Variants in FAM193A observed in about 807,000 individuals in gnomAD.
The protein encoded by FAM193A is family with sequence similarity 193 member A, also known as protein FAM193A.
Under a neutral mutation model 126.5 loss-of-function variants are expected in FAM193A, and 22 were observed. The ratio of observed to expected loss-of-function variants is 0.17; its 90% CI spans 0.12 to 0.25. The LOEUF (loss-of-function observed/expected upper bound fraction) is 0.25. FAM193A is among the 10% of genes least tolerant of loss of function. The pLI, the probability that FAM193A is intolerant of heterozygous loss-of-function variation, is 1.00. For missense variants in FAM193A, 1,675 were observed against 1,672.8 expected (o/e 1.00, Z -0.02); for synonymous variants, 761 against 646.8 (o/e 1.18, Z -2.68).
intron 1 of FAM193A, among the ~76,000 whole-genome samples, chr4:2,551,496 C>T (rs1042425384): frequency 2.6e-5 from 4 of 152,150 alleles, no homozygotes; most frequent in African/African-American, 9.7e-5. Context: ...TTATTTCTTT[C>T]TCTATGTTAG....
intron 2 of FAM193A, among the ~76,000 whole-genome samples, chr4:2,603,119 C>A (rs1189700850): frequency 6.7e-6 from 1 of 150,194 alleles, no homozygotes; most frequent in Non-Finnish European, 1.5e-5. Context: ...CAGGCGCCCA[C>A]CACCATGCCT....
chr4:2,669,401 G>A (rs1005119003), intron 12 of FAM193A, among the ~76,000 whole-genome samples: 1 of 152,030 alleles, frequency 6.6e-6, no homozygotes, highest in East Asian at 1.9e-4. Flanking sequence ...CTGAGGTCAG[G>A]AGTTCGAGAC....
At chr4:2,731,177 C>G (rs911090874) in intron 20 of FAM193A, among the ~76,000 whole-genome samples, 1 of 118,770 alleles carries the variant, frequency 8.4e-6, no homozygotes, top group African/African-American at 3.5e-5. Flanking sequence ...GCCTGGATGA[C>G]AAGAGCGAAA....
chr4:2,731,921 C>G lies in FAM193A; in HGVS notation c.*53C>G. On this transcript the variant is annotated 3_prime_UTR_variant, in exon 21 of 21. Coordinates refer to ENST00000637812, the MANE Select transcript of FAM193A (RefSeq NM_001366318.2). ...GAGAGGCAGGCCAGGCTGCACCACC[C>G]CAAGAGCCACGCCCCTCGCTGGCGC... 7.4e-7 allele frequency: 1 copy of G among 1,351,256 alleles called. No homozygotes were observed. Among genetic ancestry groups the G allele is most frequent in the Non-Finnish European group, 1.1e-6 (1 of 942,930 alleles). 83.7% of individuals were successfully genotyped at this position (1,351,256 alleles called of 1,614,324 possible).
chr4:2,694,260 G>GT (rs1410800576), intron 16 of FAM193A, among the ~76,000 whole-genome samples: 1 of 152,084 alleles, frequency 6.6e-6, no homozygotes, highest in East Asian at 1.9e-4. Flanking sequence ...CAACAGGTGT[G>GT]TTTTTTTGTT....
rs115084830 is a variant in FAM193A at position 2,643,161 on chromosome 4, C to T, written c.1163+3302C>T. Among the ~76,000 whole-genome samples, 528 of 152,226 alleles carry T rather than the reference C, an allele frequency of 3.5e-3. 2 individuals are homozygous for T. Among genetic ancestry groups the T allele is most frequent in the African/African-American group, 8.4e-3 (349 of 41,526 alleles). On this transcript the variant is annotated intron_variant, in intron 6 of 20. Coordinates refer to ENST00000637812, the MANE Select transcript of FAM193A (RefSeq NM_001366318.2). ...CAGCACGTTCCCTGAGCAGCACTGACGACGCCAGGACACGCCATGCCTTTG... is the reference window on the plus strand; with the variant it reads ...CAGCACGTTCCCTGAGCAGCACTGATGACGCCAGGACACGCCATGCCTTTG...
chr4:2,731,778 C>T lies in FAM193A; in HGVS notation c.4458C>T (p.Phe1486=). The T allele has an allele frequency of 6.2e-7, 1 of 1,613,586 alleles. No homozygotes were observed. The highest frequency in any genetic ancestry group is 8.5e-7 in the Non-Finnish European group (1 of 1,179,646). Residue 1486 remains phenylalanine, a synonymous_variant, in exon 21 of 21, where the codon TTC becomes TTT. Coordinates refer to ENST00000637812, the MANE Select transcript of FAM193A (RefSeq NM_001366318.2). ...TEREVEYFKR[F]CLDSARQTRQ... is the part of the protein sequence containing the mutation. ...GTTTGGCTTTTTGTCTTTGCAGGTTCTGCTTGGATTCTGCTAGACAGACCC... is the reference window on the plus strand; with the variant it reads ...GTTTGGCTTTTTGTCTTTGCAGGTTTTGCTTGGATTCTGCTAGACAGACCC...
chr4:2,570,649 C>G (rs923404938), intron 1 of FAM193A, among the ~76,000 whole-genome samples: 19 of 152,208 alleles, frequency 1.2e-4, no homozygotes, highest in Admixed American at 1.1e-3. Flanking sequence ...AGGAAATAAG[C>G]CTTGCCATGT....
At chr4:2,546,102 T>C (rs569935289) in intron 1 of FAM193A, among the ~76,000 whole-genome samples, 3 of 151,744 alleles carry the variant, frequency 2.0e-5, no homozygotes, top group Admixed American at 2.0e-4. Flanking sequence ...GAGCCGAGAT[T>C]GTGCCACTGC....
chr4:2,671,490 G>C (rs1713776991), intron 12 of FAM193A, among the ~76,000 whole-genome samples: 1 of 152,214 alleles, frequency 6.6e-6, no homozygotes, highest in Non-Finnish European at 1.5e-5. Flanking sequence ...CAGGGGTGGA[G>C]TACAGGTGCA....
chr4:2,673,202 T>C (rs922608876), intron 13 of FAM193A, among the ~76,000 whole-genome samples: 1 of 152,208 alleles, frequency 6.6e-6, no homozygotes. Flanking sequence ...CAAAGGTAGC[T>C]CTAATCAGTC....
At chr4:2,555,879 G>T (rs1738224782) in intron 1 of FAM193A, among the ~76,000 whole-genome samples, 1 of 151,432 alleles carries the variant, frequency 6.6e-6, no homozygotes, top group South Asian at 2.1e-4. Context: ...GCCTCCCAAA[G>T]TGCTGGGATT....
chr4:2,724,700 A>G (rs1720531878), intron 20 of FAM193A, among the ~76,000 whole-genome samples: 1 of 152,090 alleles, frequency 6.6e-6, no homozygotes, highest in Non-Finnish European at 1.5e-5. Context: ...ATAGAGTGAG[A>G]CCCTGTCTCA....
At chr4:2,699,624 G>C in intron 18 of FAM193A, 56 bp from the exon 19 acceptor site, 2 of 1,507,974 alleles carry the variant, frequency 1.3e-6, no homozygotes, top group South Asian at 1.3e-5. Context: ...TTTTCTGTAT[G>C]ACTTAATTTT....
chr4:2,730,549 G>T lies in FAM193A; in HGVS notation c.4455-1226G>T, dbSNP rs1274520973. ...ACTAAAAATAGAAGAAATTAGCTGG[G>T]CGTGGTGATAGGTGCCTGTAGTCCC... On this transcript the variant is annotated intron_variant, in intron 20 of 20. Coordinates refer to ENST00000637812, the MANE Select transcript of FAM193A (RefSeq NM_001366318.2). Among the ~76,000 whole-genome samples the T allele has an allele frequency of 2.0e-5, 3 of 152,044 alleles. No homozygotes were observed. The South Asian group carries it at 6.2e-4, about 32-fold the overall frequency.
At chr4:2,685,906 CT>C (rs2109240473) in intron 13 of FAM193A, among the ~76,000 whole-genome samples, 1 of 152,302 alleles carries the variant, frequency 6.6e-6, no homozygotes, top group African/African-American at 2.4e-5. Flanking sequence ...TGGATTACTT[CT>C]TTTGTCTCAA....
chr4:2,543,044 C>T (rs1009980385), intron 1 of FAM193A, among the ~76,000 whole-genome samples: 1 of 151,836 alleles, frequency 6.6e-6, no homozygotes, highest in African/African-American at 2.4e-5. Flanking sequence ...ATTTGTTAGG[C>T]TCTGTTCCAT....
At chr4:2,575,656 G>A (rs1038981468) in intron 1 of FAM193A, among the ~76,000 whole-genome samples, 4 of 151,790 alleles carry the variant, frequency 2.6e-5, no homozygotes, top group Non-Finnish European at 2.9e-5. Flanking sequence ...TAGTAGAGAC[G>A]GGGATTCACC....
At chr4:2,535,423 G>A (rs78617945), upstream of FAM193A, among the ~76,000 whole-genome samples, 420 of 152,354 alleles carry the variant, frequency 2.8e-3, 4 homozygotes, top group African/African-American at 9.8e-3. Flanking sequence ...CGCTGCAAGG[G>A]GAGCCTGGCA....
Sources: gnomAD v4.1 joint callset for allele counts (sites outside exome capture counted in the v4.1 genomes callset) on GRCh38, gnomAD v4.1.1 for gene constraint, MANE v1.5 for transcripts, NCBI Gene and HGNC (gene_info 2026-07-23, HGNC 2026-07-21) for gene names.